Variants in DNM3 observed in about 807,000 individuals in gnomAD.
The protein encoded by DNM3 is dynamin 3.
DNM3 carries 47 observed loss-of-function variants against 101.6 expected under a neutral mutation model. The observed-to-expected ratio is 0.46, with a 90% CI of 0.37 to 0.59. The LOEUF (loss-of-function observed/expected upper bound fraction) is 0.59. Among genes scored for constraint, DNM3 ranks in the 20% least tolerant of loss-of-function variants. DNM3 has a pLI of 0.00. For missense variants in DNM3, 849 were observed against 1,085.7 expected, an observed-to-expected ratio of 0.78 and a Z score of 3.06; for synonymous variants, 385 against 387.9, an observed-to-expected ratio of 0.99 and a Z score of 0.09.
chr1:172,408,280 C>A lies in DNM3; in HGVS notation c.*439C>A. 1.0e-6 allele frequency: 1 copy of A among 989,548 alleles called. No homozygotes were observed. Among genetic ancestry groups the A allele is most frequent in the Non-Finnish European group, 1.2e-6 (1 of 832,348 alleles). The allele number at this position is 989,548 out of a possible 1,614,324, so 61.3% of individuals were successfully genotyped here. ...GGATGACAGTAATTCTGTTGTCTAC[C>A]ATTAATGCTACTACCTACTCCATAA... On this transcript the variant is annotated 3_prime_UTR_variant, in exon 21 of 21. Coordinates refer to ENST00000627582, the MANE Select transcript of DNM3 (RefSeq NM_015569.5).
chr1:171,876,000 G>A (rs1229737311), intron 1 of DNM3, among the ~76,000 whole-genome samples: 5 of 151,742 alleles, frequency 3.3e-5, no homozygotes, highest in Admixed American at 2.6e-4. Flanking sequence ...TAGTAGAGAC[G>A]GAGTTTTACC....
chr1:172,212,688 C>T (rs3915514), intron 14 of DNM3, among the ~76,000 whole-genome samples: 41,812 of 151,990 alleles, frequency 0.28, 6,140 homozygotes, highest in Middle Eastern at 0.36. Context: ...TCAACTTATG[C>T]TCTTAGAAAT....
intron 2 of DNM3, among the ~76,000 whole-genome samples, chr1:171,972,872 C>CAA (rs796724111): frequency 1.4e-5 from 2 of 146,164 alleles, no homozygotes; most frequent in African/African-American, 5.5e-5. Context: ...AAAACAAAAA[C>CAA]AACAACAACA....
At chr1:172,026,719 A>G (rs1302371385) in intron 4 of DNM3, among the ~76,000 whole-genome samples, 1 of 151,862 alleles carries the variant, frequency 6.6e-6, no homozygotes, top group African/African-American at 2.4e-5. Flanking sequence ...CAGTGGTGCA[A>G]TGTTGGCTCA....
chr1:172,298,205 C>T (rs1293648979), intron 15 of DNM3, among the ~76,000 whole-genome samples: 1 of 152,190 alleles, frequency 6.6e-6, no homozygotes, highest in Non-Finnish European at 1.5e-5. Context: ...GGTTCTCCTT[C>T]ATTGATGGAC....
At chr1:172,235,870 A>G (rs1312179731) in intron 14 of DNM3, among the ~76,000 whole-genome samples, 1 of 152,182 alleles carries the variant, frequency 6.6e-6, no homozygotes, top group Non-Finnish European at 1.5e-5. Flanking sequence ...GGGGAGGGAT[A>G]GCATTAGGAG....
At chr1:172,203,260 A>G (rs1050722082) in intron 14 of DNM3, among the ~76,000 whole-genome samples, 5 of 152,148 alleles carry the variant, frequency 3.3e-5, no homozygotes, top group Admixed American at 6.6e-5. Context: ...TGCTCTTTCC[A>G]GACGCTGTGT....
chr1:172,280,472 ATG>A (rs1169652632), intron 15 of DNM3, among the ~76,000 whole-genome samples: 1 of 152,236 alleles, frequency 6.6e-6, no homozygotes, highest in African/African-American at 2.4e-5. Flanking sequence ...ATGAATGAGC[ATG>A]TGAGTGAATA....
intron 15 of DNM3, among the ~76,000 whole-genome samples, chr1:172,268,046 G>A (rs1008632346): frequency 6.6e-6 from 1 of 152,116 alleles, no homozygotes; most frequent in Non-Finnish European, 1.5e-5. Context: ...TAAGCAGGAG[G>A]AGAGCCAGAA....
At chr1:172,268,122 G>A (rs16844156) in intron 15 of DNM3, among the ~76,000 whole-genome samples, 6,582 of 152,220 alleles carry the variant, frequency 0.043, 432 homozygotes, top group African/African-American at 0.14. Context: ...TAAGTTCACA[G>A]GGCTCAGACA....
intron 14 of DNM3, among the ~76,000 whole-genome samples, chr1:172,167,382 G>T (rs541456444): frequency 2.0e-5 from 3 of 152,116 alleles, no homozygotes; most frequent in Admixed American, 2.0e-4. Flanking sequence ...ATAAACATAC[G>T]TGTGCATGTG....
chr1:172,302,699 T>A (rs1485895250), intron 15 of DNM3, among the ~76,000 whole-genome samples: 3 of 152,242 alleles, frequency 2.0e-5, no homozygotes, highest in East Asian at 3.9e-4. Context: ...CAATATTTGC[T>A]GTTCTGCAGC....
chr1:172,093,790 G>A, intron 13 of DNM3: 2 of 1,497,726 alleles, frequency 1.3e-6, no homozygotes, highest in Non-Finnish European at 1.8e-6. Flanking sequence ...GGCACAGTTT[G>A]TCTTTAACTG....
In DNM3 at chr1:172,235,734, C is replaced by G. The variant is rs867023178; in HGVS notation, c.1660-17839C>G. Among the ~76,000 whole-genome samples, 50 of 152,194 alleles carry G rather than the reference C, an allele frequency of 3.3e-4. 1 individual carries two copies. Among genetic ancestry groups the G allele is most frequent in the African/African-American group, 1.1e-3 (46 of 41,526 alleles). ...GCTGGAAACCATCATTCTCAGCAAA[C>G]TATCGCAAGGACAAAAAACCAAACA... On this transcript the variant is annotated intron_variant, in intron 14 of 20. Transcript: ENST00000627582.
At chr1:171,845,649 G>A (rs1027293944) in intron 1 of DNM3, among the ~76,000 whole-genome samples, 1 of 152,288 alleles carries the variant, frequency 6.6e-6, no homozygotes, top group African/African-American at 2.4e-5. Flanking sequence ...AAGATTTGAG[G>A]TGACCCCTTA....
At chr1:172,141,420 G>C (rs1394608376) in intron 14 of DNM3, among the ~76,000 whole-genome samples, 1 of 152,032 alleles carries the variant, frequency 6.6e-6, no homozygotes, top group East Asian at 1.9e-4. Flanking sequence ...ACGTTATTGT[G>C]ATGGGTGGGC....
chr1:172,337,203 C>A (rs2066471542), intron 17 of DNM3, among the ~76,000 whole-genome samples: 1 of 152,136 alleles, frequency 6.6e-6, no homozygotes, highest in African/African-American at 2.4e-5. Flanking sequence ...ATTAGGGCTA[C>A]CTATTGCTGA....
intron 20 of DNM3, among the ~76,000 whole-genome samples, chr1:172,402,334 G>A (rs1309601587): frequency 6.6e-6 from 1 of 151,976 alleles, no homozygotes; most frequent in Non-Finnish European, 1.5e-5. Flanking sequence ...AGATTCTAGT[G>A]GCCCTTGGAA....
At position 172,138,416 on chromosome 1, in the gene DNM3, T is replaced by G. The variant is rs546611379; in HGVS notation, c.1659+7128T>G. ...CCATACTTAGTTTATGGACAAGAAT[T>G]CTTAGAATAATTTATTCTTTGTTAA... On this transcript the variant is annotated intron_variant, in intron 14 of 20. Transcript: ENST00000627582. The G allele has an allele frequency of 2.0e-5, 3 of 151,640 alleles. No individual in the cohort carries two copies. In the South Asian group the frequency reaches 6.3e-4, roughly 32 times the overall value. The allele number at this position is 151,640 out of a possible 1,614,324, so 9.4% of individuals were successfully genotyped here.
Sources: gnomAD v4.1 joint callset for allele counts (sites outside exome capture counted in the v4.1 genomes callset) on GRCh38, gnomAD v4.1.1 for gene constraint, MANE v1.5 for transcripts, NCBI Gene and HGNC (gene_info 2026-07-23, HGNC 2026-07-21) for gene names.